The following TMEM131 variants were observed in gnomAD, a reference collection of about 807,000 sequenced individuals.
The protein encoded by TMEM131 is 2610524E03Rik.
In TMEM131, 66 loss-of-function variants were observed where a neutral mutation model predicts 211.6. The observed-to-expected ratio is 0.31, with a 90% CI of 0.26 to 0.38. TMEM131 has a LOEUF of 0.38. Among genes scored for constraint, TMEM131 ranks in the 10% least tolerant of loss-of-function variants. The pLI is 1.00. For missense variants in TMEM131, 2,036 were observed against 2,299.3 expected (o/e 0.89, Z 2.34); for synonymous variants, 844 against 841.3 (o/e 1.00, Z -0.06).
At chr2:97,901,430 C>T (rs2104336622) in intron 3 of TMEM131, among the ~76,000 whole-genome samples, 1 of 152,230 alleles carries the variant, frequency 6.6e-6, no homozygotes, top group Admixed American at 6.6e-5. Context: ...AATTCCACTA[C>T]TGGCTATTTA....
intron 5 of TMEM131, among the ~76,000 whole-genome samples, chr2:97,846,904 G>A (rs772871061): frequency 3.3e-5 from 5 of 152,274 alleles, no homozygotes; most frequent in East Asian, 3.9e-4. Context: ...AAAGAGGGCC[G>A]GCGCGGTGGC....
chr2:97,902,419 T>C (rs1675894146), intron 3 of TMEM131, among the ~76,000 whole-genome samples: 1 of 152,180 alleles, frequency 6.6e-6, no homozygotes, highest in East Asian at 1.9e-4. Flanking sequence ...TTTCTCATTG[T>C]TGGAGAATGG....
rs956704738 is a variant in TMEM131 at position 97,794,936 on chromosome 2, A to G, written c.3380T>C (p.Ile1127Thr). The change falls in exon 29 of 41, where the codon ATA becomes ACA. Residue 1127 changes from isoleucine to threonine, a missense_variant. Physicochemically the swap from Ile to Thr is moderately conservative, Grantham distance 89. Transcript: ENST00000186436. The stretch of plus-strand genomic sequence containing the variant: ...TTGAAACAAGACACAATACCTCATT[A>G]TTCCTGAGATGATGATATACAGAGC... ...ELALYIIISG[I>T]MSALFLLVIG... The G allele has an allele frequency of 6.3e-7, 1 of 1,578,408 alleles. No individual in the cohort carries two copies. Among genetic ancestry groups the G allele is most frequent in the Non-Finnish European group, 8.6e-7 (1 of 1,161,880 alleles).
intron 3 of TMEM131, among the ~76,000 whole-genome samples, chr2:97,902,890 C>T (rs1198766565): frequency 6.6e-6 from 1 of 152,178 alleles, no homozygotes; most frequent in Non-Finnish European, 1.5e-5. Context: ...GGTTCTCGCC[C>T]TTGAACGCTG....
At chr2:97,757,416 C>T in intron 40 of TMEM131, 33 bp from the exon 41 acceptor site, 1 of 1,542,674 alleles carries the variant, frequency 6.5e-7, no homozygotes, top group Non-Finnish European at 8.8e-7. Context: ...CAGCACTGAG[C>T]CCGGCAGGCA....
At chr2:97,938,072 T>C (rs576204263) in intron 1 of TMEM131, among the ~76,000 whole-genome samples, 1 of 152,208 alleles carries the variant, frequency 6.6e-6, no homozygotes, top group Non-Finnish European at 1.5e-5. Context: ...ACCTGCAAAA[T>C]CATGCCAAAT....
At chr2:97,840,564 T>A (rs879285565) in intron 7 of TMEM131, among the ~76,000 whole-genome samples, 1 of 152,170 alleles carries the variant, frequency 6.6e-6, no homozygotes, top group African/African-American at 2.4e-5. Flanking sequence ...CACTCCAGTT[T>A]GAGTGACAGA....
Position 97,809,736 on chromosome 2 carries a change from G to A in TMEM131, c.2007C>T (p.Gly669=). The stretch of plus-strand genomic sequence containing the variant: ...CGTGCTTAGGGAAGCAGGTCAGTGA[G>A]CCTACTGCAATCACAGCCTTCACAG... ...TIPVKAVIAV[G]SLTCFPKHVV... The change falls in exon 19 of 41, where the codon GGC becomes GGT. Residue 669 remains glycine (G), a synonymous_variant. Coordinates refer to ENST00000186436, the MANE Select transcript of TMEM131 (RefSeq NM_015348.2). The A allele has an allele frequency of 1.2e-6, 2 of 1,609,854 alleles. No homozygotes were observed. Among genetic ancestry groups the A allele is most frequent in the Non-Finnish European group, 1.7e-6 (2 of 1,178,078 alleles).
At position 97,836,960 on chromosome 2, in the gene TMEM131, C is replaced by G; in HGVS notation, c.804+117G>C. On this transcript the variant is annotated intron_variant, in intron 8 of 40. Coordinates refer to ENST00000186436, the MANE Select transcript of TMEM131 (RefSeq NM_015348.2). ...TTGACATAAATTAACATTAAGACAA[C>G]GATTAAAGAGAAGTCATCCATATTT... The G allele has an allele frequency of 9.1e-6, 7 of 772,360 alleles. No homozygotes were observed. In the South Asian group the frequency reaches 1.1e-4, roughly 13 times the overall value. The allele number at this position is 772,360 out of a possible 1,614,324, so 47.8% of individuals were successfully genotyped here.
At chr2:97,846,001 G>A (rs1683409870) in intron 5 of TMEM131, among the ~76,000 whole-genome samples, 1 of 152,196 alleles carries the variant, frequency 6.6e-6, no homozygotes, top group African/African-American at 2.4e-5. Context: ...CAGTCGGCTA[G>A]ATCTGACACA....
At position 97,832,895 on chromosome 2, in the gene TMEM131, C is replaced by T. The variant is rs544445093; in HGVS notation, c.1074+470G>A. The stretch of plus-strand genomic sequence containing the variant: ...TGTGCTGCCTACGGTAACTCAATAA[C>T]TGCTAGTTAGGGAGCCTGTGACAAG... On this transcript the variant is annotated intron_variant, in intron 11 of 40. Coordinates refer to ENST00000186436, the MANE Select transcript of TMEM131 (RefSeq NM_015348.2). Among the ~76,000 whole-genome samples the T allele has an allele frequency of 1.0e-3, 159 of 152,264 alleles. 1 individual carries two copies. Among genetic ancestry groups the T allele is most frequent in the Middle Eastern group, 3.4e-3 (1 of 294 alleles).
chr2:97,948,088 TCA>T (rs1167583602), intron 1 of TMEM131, among the ~76,000 whole-genome samples: 4 of 152,028 alleles, frequency 2.6e-5, no homozygotes, highest in African/African-American at 7.2e-5. Context: ...TTCCTAGAAA[TCA>T]ACACGGGAAA....
At chr2:97,795,264 GT>G in intron 28 of TMEM131, 149 bp from the exon 29 acceptor site, 2 of 552,130 alleles carry the variant, frequency 3.6e-6, no homozygotes, top group South Asian at 5.6e-5. Flanking sequence ...GATGAAAAAA[GT>G]ATTGTCCCAT....
chr2:97,840,582 C>T (rs1200929337), intron 7 of TMEM131, among the ~76,000 whole-genome samples: 1 of 152,138 alleles, frequency 6.6e-6, no homozygotes, highest in Non-Finnish European at 1.5e-5. Context: ...AGAGTGAGAC[C>T]CTGTCTTTTG....
intron 22 of TMEM131, 42 bp downstream of exon 22, chr2:97,805,046 T>C: frequency 7.5e-7 from 1 of 1,334,726 alleles, no homozygotes; most frequent in South Asian, 1.4e-5. Context: ...TCAATAGTCA[T>C]CTTGTAAAGA....
chr2:97,848,644 T>G (rs1020494949), intron 5 of TMEM131, among the ~76,000 whole-genome samples: 4 of 152,042 alleles, frequency 2.6e-5, no homozygotes, highest in Non-Finnish European at 4.4e-5. Context: ...TCTCAAATAG[T>G]TTTGACCTGC....
intron 11 of TMEM131, among the ~76,000 whole-genome samples, chr2:97,830,693 T>C (rs536852906): frequency 3.9e-5 from 6 of 152,360 alleles, no homozygotes; most frequent in African/African-American, 1.4e-4. Context: ...CTCCATCATT[T>C]ATACAGCACT....
chr2:97,814,435 T>C (rs1168827877), intron 13 of TMEM131, 47 bp from the exon 14 acceptor site: 2 of 1,485,958 alleles, frequency 1.3e-6, no homozygotes, highest in Non-Finnish European at 9.0e-7. Context: ...TTTATTTCCA[T>C]GTGTTAATTT....
intron 4 of TMEM131, chr2:97,887,767 C>G: frequency 3.3e-6 from 1 of 298,776 alleles, no homozygotes; most frequent in Non-Finnish European, 6.1e-6. Context: ...AAGTGCTAAT[C>G]AAAACAGCTA....
Sources: allele counts gnomAD v4.1 joint callset (sites outside exome capture counted in the v4.1 genomes callset), GRCh38; gene constraint gnomAD v4.1.1; transcripts MANE v1.5; gene names NCBI Gene and HGNC (gene_info 2026-07-23, HGNC 2026-07-21).